Variants in RGS12 observed in about 807,000 individuals in gnomAD.
RGS12 encodes the protein regulator of G-protein signaling 12.
A neutral mutation model predicts 120.1 loss-of-function variants in RGS12; 66 were observed. The observed-to-expected ratio is 0.55, with a 90% CI of 0.45 to 0.67. RGS12 has a LOEUF of 0.67. Ranked by LOEUF, RGS12 falls within the 30% of genes least tolerant of loss-of-function variation. The pLI is 0.00. For synonymous variants in RGS12, 827 were observed against 804.7 expected (o/e 1.03, Z -0.47); for missense variants, 1,859 against 1,957.7 (o/e 0.95, Z 0.95).
chr4:3,395,416 T>G (rs764613294), intron 4 of RGS12, among the ~76,000 whole-genome samples: 15 of 152,214 alleles, frequency 9.9e-5, no homozygotes, highest in Non-Finnish European at 1.9e-4. Flanking sequence ...CCGTTACAGA[T>G]GGTGCCATAT....
chr4:3,438,546 G>A (rs771603514), intron 17 of RGS12, among the ~76,000 whole-genome samples: 5 of 151,904 alleles, frequency 3.3e-5, no homozygotes, highest in South Asian at 2.1e-4. Context: ...GCCATTCTGC[G>A]TGCACCGTTC....
intron 3 of RGS12, among the ~76,000 whole-genome samples, chr4:3,369,156 T>G (rs1461483954): frequency 6.6e-6 from 1 of 152,166 alleles, no homozygotes; most frequent in Non-Finnish European, 1.5e-5. Context: ...CTCTGCTTGC[T>G]GGGGGTGTGG....
At chr4:3,387,851 A>G (rs755237383) in intron 4 of RGS12, among the ~76,000 whole-genome samples, 9 of 152,236 alleles carry the variant, frequency 5.9e-5, no homozygotes, top group Admixed American at 5.2e-4. Context: ...TTCACCATAT[A>G]TAATAAGTTT....
At chr4:3,361,676 G>A (rs1715579535) in intron 3 of RGS12, among the ~76,000 whole-genome samples, 2 of 152,190 alleles carry the variant, frequency 1.3e-5, no homozygotes, top group Admixed American at 6.5e-5. Flanking sequence ...AAGAGGTGGA[G>A]GTCAGAGGAT....
At chr4:3,331,520 T>C (rs902644808) in intron 2 of RGS12, among the ~76,000 whole-genome samples, 18 of 152,276 alleles carry the variant, frequency 1.2e-4, no homozygotes, top group African/African-American at 4.3e-4. Flanking sequence ...AATGACAGGC[T>C]CCTTGGATTG....
intron 3 of RGS12, chr4:3,370,014 G>A: frequency 2.4e-6 from 3 of 1,250,312 alleles, no homozygotes; most frequent in Non-Finnish European, 3.0e-6. Flanking sequence ...TGATTTGGTA[G>A]AGGAAATAGT....
chr4:3,342,869 A>G, intron 2 of RGS12, 68 bp from the exon 3 acceptor site: 2 of 1,011,530 alleles, frequency 2.0e-6, no homozygotes, highest in Non-Finnish European at 3.1e-6. Context: ...CTGCTATGCC[A>G]TGCATTGGAC....
chr4:3,428,749 A>G, intron 16 of RGS12, 38 bp downstream of exon 16: 1 of 1,540,450 alleles, frequency 6.5e-7, no homozygotes, highest in Non-Finnish European at 8.8e-7. Context: ...TTTTTAGTAA[A>G]TGCACAGTTA....
chr4:3,423,431 G>A lies in RGS12; in HGVS notation c.3108-84G>A, dbSNP rs932040265. ...ACCGAGGCCTTGAGGGCGGCCTGGG[G>A]CTGTGCTGTAGTTCTGCTCGTGAGA... On this transcript the variant is annotated intron_variant, in intron 12 of 17. Transcript: ENST00000336727. 1.1e-5 allele frequency: 18 copies of A among 1,565,706 alleles called. No homozygotes were observed. In the African/African-American group the frequency reaches 2.0e-4, roughly 18 times the overall value.
intron 2 of RGS12, among the ~76,000 whole-genome samples, chr4:3,327,616 C>T (rs1394382087): frequency 6.6e-6 from 1 of 152,082 alleles, no homozygotes; most frequent in African/African-American, 2.4e-5. Flanking sequence ...GCAAAGGATA[C>T]GAATAGACAT....
chr4:3,321,340 TGTCCCCA>T lies in RGS12; in HGVS notation c.1881+3298_1881+3304del, dbSNP rs776150621. Among the ~76,000 whole-genome samples the T allele has an allele frequency of 5.9e-4, 90 of 152,268 alleles. 2 individuals are homozygous for T. The highest frequency in any genetic ancestry group is 2.2e-3 in the Admixed American group (34 of 15,314). On this transcript the variant is annotated intron_variant, in intron 2 of 17. Coordinates refer to ENST00000336727, the MANE Select transcript of RGS12 (RefSeq NM_001394154.1). ...GCAGCTCCAGGTGAGGATTGGTGGC[TGTCCCCA>T]GTCCCCAGGAAAAACGATGTGGGAC... is the stretch of plus-strand genomic sequence containing the variant.
chr4:3,423,833 G>A, intron 13 of RGS12, 192 bp downstream of exon 13: 1 of 655,930 alleles, frequency 1.5e-6, no homozygotes, highest in Non-Finnish European at 2.5e-6. Context: ...AGCCATCATG[G>A]TTTATTTGTA....
chr4:3,421,488 G>C (rs905472208), intron 10 of RGS12, among the ~76,000 whole-genome samples: 3 of 152,270 alleles, frequency 2.0e-5, no homozygotes, highest in African/African-American at 7.2e-5. Context: ...TGTGCTGGGT[G>C]TCTGGGTCGC....
intron 4 of RGS12, among the ~76,000 whole-genome samples, chr4:3,393,848 C>G (rs1187040097): frequency 1.3e-5 from 2 of 152,144 alleles, no homozygotes; most frequent in Admixed American, 1.3e-4. Flanking sequence ...CATGACGGCA[C>G]CTTGTACAAA....
At position 3,430,904 on chromosome 4, in the gene RGS12, T is replaced by G; in HGVS notation, c.4063T>G (p.Leu1355Val). The G allele has an allele frequency of 6.2e-7, 1 of 1,612,720 alleles. No individual in the cohort carries two copies. Among genetic ancestry groups the G allele is most frequent in the Non-Finnish European group, 8.5e-7 (1 of 1,179,904 alleles). Residue 1355 changes from leucine to valine, a missense_variant, in exon 17 of 18, where the codon TTG becomes GTG. Physicochemically the swap from Leu to Val is conservative, Grantham distance 32. Coordinates refer to ENST00000336727, the MANE Select transcript of RGS12 (RefSeq NM_001394154.1). Reference sequence around the variant, plus strand: ...GGACATCAGCAGCCCCAACAGCACCTTGCTGCCGCCGCCCTCCACCCCCCA... The same window carrying G: ...GGACATCAGCAGCCCCAACAGCACCGTGCTGCCGCCGCCCTCCACCCCCCA... ...EGDISSPNSTLLPPPSTPQEV... is the reference protein window; with the variant it reads ...EGDISSPNSTVLPPPSTPQEV...
intron 1 of RGS12, among the ~76,000 whole-genome samples, chr4:3,304,722 C>T (rs994896277): frequency 6.6e-6 from 1 of 152,204 alleles, no homozygotes; most frequent in Non-Finnish European, 1.5e-5. Flanking sequence ...GAGTAGATTT[C>T]AGGGACCATT....
chr4:3,313,682 T>G (rs916945359), intron 1 of RGS12, among the ~76,000 whole-genome samples: 4 of 152,354 alleles, frequency 2.6e-5, no homozygotes, highest in Admixed American at 2.6e-4. Flanking sequence ...CCTTTCCGGC[T>G]TCTGGAGGTG....
chr4:3,304,590 G>A (rs1263061285), intron 1 of RGS12, among the ~76,000 whole-genome samples: 7 of 152,148 alleles, frequency 4.6e-5, no homozygotes, highest in Admixed American at 2.6e-4. Flanking sequence ...TTTGTAAAAC[G>A]GGATAATTAG....
chr4:3,430,591 C>G lies in RGS12; in HGVS notation c.3750C>G (p.Gly1250=). 1 of 1,612,464 alleles carries G rather than the reference C, an allele frequency of 6.2e-7. No homozygotes were observed. The highest frequency in any genetic ancestry group is 1.3e-5 in the African/African-American group (1 of 75,042). The change falls in exon 17 of 18, where the codon GGC becomes GGG. Residue 1250 remains glycine (G), a synonymous_variant. Coordinates refer to ENST00000336727, the MANE Select transcript of RGS12 (RefSeq NM_001394154.1). Reference sequence around the variant, plus strand: ...GCAAGAGAAGCGCCACAGGCAACGGCCGGGAGAGCGCCTCCCAGCCTGGCG... The same window carrying G: ...GCAAGAGAAGCGCCACAGGCAACGGGCGGGAGAGCGCCTCCCAGCCTGGCG... ...GFSKRSATGN[G]RESASQPGEQ... is the part of the protein sequence containing the mutation.
Sources: allele counts gnomAD v4.1 joint callset (sites outside exome capture counted in the v4.1 genomes callset), GRCh38; gene constraint gnomAD v4.1.1; transcripts MANE v1.5; gene names NCBI Gene and HGNC (gene_info 2026-07-23, HGNC 2026-07-21).